The following RAB8B variants were observed in gnomAD, a reference collection of about 807,000 sequenced individuals.
RAB8B encodes the protein RAB8B, member RAS oncogene family, also known as ras-related protein Rab-8B.
Under a neutral mutation model 32.0 loss-of-function variants are expected in RAB8B, and 11 were observed. The ratio of observed to expected loss-of-function variants is 0.34; its 90% confidence interval spans 0.22 to 0.57. RAB8B has a LOEUF of 0.57. Ranked by LOEUF, RAB8B falls within the 20% of genes least tolerant of loss-of-function variation. The pLI, the probability that RAB8B is intolerant of heterozygous loss-of-function variation, is 0.86. For synonymous variants in RAB8B, 103 were observed against 89.6 expected (o/e 1.15, Z -0.85); for missense variants, 190 against 258.5 (o/e 0.73, Z 1.82).
chr15:63,262,635 AT>A, intron 6 of RAB8B, 56 bp from the exon 7 acceptor site: 1 of 500,832 alleles, frequency 2.0e-6, no homozygotes, highest in Non-Finnish European at 3.0e-6. Context: ...GTATATATAT[AT>A]ATATACATAT....
In RAB8B at chr15:63,230,409, C is replaced by A. The variant is rs146224153; in HGVS notation, c.125-14347C>A. Among the ~76,000 whole-genome samples, 848 of 152,246 alleles carry A rather than the reference C, an allele frequency of 5.6e-3. 7 individuals are homozygous for A. Among genetic ancestry groups the A allele is most frequent in the African/African-American group, 0.018 (757 of 41,550 alleles). ...CTCCGCCTCCCGGGTTCGAGGAATT[C>A]TCCTGCCTCAGCCTCCCTGGTAGCT... On this transcript the variant is annotated intron_variant, in intron 1 of 7. Coordinates refer to ENST00000321437, the MANE Select transcript of RAB8B (RefSeq NM_016530.3).
intron 1 of RAB8B, among the ~76,000 whole-genome samples, chr15:63,220,961 A>C (rs2141121736): frequency 6.6e-6 from 1 of 152,364 alleles, no homozygotes; most frequent in African/African-American, 2.4e-5. Context: ...TGAAACAACA[A>C]AAATAATTAA....
rs2038230715 is a variant in RAB8B at position 63,264,614 on chromosome 15, T to C, written c.*995T>C. 1 of 152,164 alleles carries C rather than the reference T, an allele frequency of 6.6e-6. No homozygotes were observed. The highest frequency in any genetic ancestry group is 2.1e-4 in the South Asian group (1 of 4,824). 9.4% of individuals were successfully genotyped at this position (152,164 alleles called of 1,614,324 possible). A position where few individuals can be genotyped will look rare whatever the true frequency, so the allele number is the denominator to read the frequency against. ...ATAATCCCTGTCTACAAAAGTTAGG[T>C]TTAGATTTTAGTTTGCGGAAACCTT... On this transcript the variant is annotated 3_prime_UTR_variant, in exon 8 of 8. Transcript: ENST00000321437.
intron 1 of RAB8B, among the ~76,000 whole-genome samples, chr15:63,227,599 C>T (rs757805031): frequency 1.5e-4 from 23 of 152,326 alleles, no homozygotes; most frequent in Middle Eastern, 6.8e-3. Flanking sequence ...TTTTCCTCAA[C>T]CGTTCATGTA....
chr15:63,236,355 G>A (rs1483082986), intron 1 of RAB8B, among the ~76,000 whole-genome samples: 1 of 152,078 alleles, frequency 6.6e-6, no homozygotes, highest in Non-Finnish European at 1.5e-5. Context: ...AATAAGGAAA[G>A]TGGGACTACT....
intron 1 of RAB8B, among the ~76,000 whole-genome samples, chr15:63,217,815 A>G (rs918746847): frequency 6.6e-6 from 1 of 152,228 alleles, no homozygotes; most frequent in Non-Finnish European, 1.5e-5. Flanking sequence ...CTTAGTATCT[A>G]TATCAAATAT....
intron 2 of RAB8B, among the ~76,000 whole-genome samples, chr15:63,247,026 T>A (rs2038077845): frequency 6.6e-6 from 1 of 152,236 alleles, no homozygotes; most frequent in Non-Finnish European, 1.5e-5. Flanking sequence ...TACCATAGAC[T>A]GGGTGTCTTA....
rs188039378 is a variant in RAB8B, at chr15:63,218,125, A to T, written c.125-26631A>T. ...CTTTTTTTTTTATGCTTCTACCCTT[A>T]TGTTGGCAAAAGAAATGCACCAATG... On this transcript the variant is annotated intron_variant, in intron 1 of 7. Coordinates refer to ENST00000321437, the MANE Select transcript of RAB8B (RefSeq NM_016530.3). Among the ~76,000 whole-genome samples the T allele has an allele frequency of 5.7e-3, 855 of 150,884 alleles. 7 individuals carry two copies. Among genetic ancestry groups the T allele is most frequent in the African/African-American group, 0.019 (761 of 41,000 alleles).
At chr15:63,224,460 G>A (rs2037872557) in intron 1 of RAB8B, among the ~76,000 whole-genome samples, 1 of 152,116 alleles carries the variant, frequency 6.6e-6, no homozygotes, top group Admixed American at 6.5e-5. Flanking sequence ...ACATGGGATG[G>A]ATTTCAATCA....
intron 3 of RAB8B, among the ~76,000 whole-genome samples, chr15:63,250,566 G>A (rs573671406): frequency 1.3e-5 from 2 of 152,202 alleles, no homozygotes; most frequent in African/African-American, 4.8e-5. Context: ...ATCCTAAGAT[G>A]CTTCATCTAT....
At chr15:63,249,769 A>G (rs1218147215) in intron 3 of RAB8B, 64 bp downstream of exon 3, 1 of 1,491,646 alleles carries the variant, frequency 6.7e-7, no homozygotes, top group Non-Finnish European at 9.3e-7. Context: ...TTTGTTTGCC[A>G]AGATTATAGG....
chr15:63,218,881 A>C (rs947905548), intron 1 of RAB8B, among the ~76,000 whole-genome samples: 2 of 152,074 alleles, frequency 1.3e-5, no homozygotes, highest in Admixed American at 6.6e-5. Context: ...AGAAAAAAAA[A>C]CACTTTAGCC....
intron 1 of RAB8B, among the ~76,000 whole-genome samples, chr15:63,216,454 C>A (rs181646690): frequency 6.6e-6 from 1 of 151,738 alleles, no homozygotes; most frequent in Admixed American, 6.6e-5. Flanking sequence ...GTCTTGAACT[C>A]GTGAGCTCGA....
intron 1 of RAB8B, among the ~76,000 whole-genome samples, chr15:63,195,948 A>G (rs2037596461): frequency 6.6e-6 from 1 of 152,218 alleles, no homozygotes; most frequent in Non-Finnish European, 1.5e-5. Context: ...GCAAACTCAC[A>G]TGGTTCTGGT....
chr15:63,222,949 C>A, intron 1 of RAB8B: 1 of 397,098 alleles, frequency 2.5e-6, no homozygotes, highest in South Asian at 1.8e-5. Flanking sequence ...TTTGGTGTAG[C>A]TTAGGTGTAT....
chr15:63,224,375 T>G (rs2037871878), intron 1 of RAB8B, among the ~76,000 whole-genome samples: 1 of 152,198 alleles, frequency 6.6e-6, no homozygotes, highest in Non-Finnish European at 1.5e-5. Context: ...TTTTAGTTCT[T>G]CCTAGTCTTA....
At chr15:63,256,419 C>A (rs2038159119) in intron 4 of RAB8B, 86 bp from the exon 5 acceptor site, 3 of 912,802 alleles carry the variant, frequency 3.3e-6, no homozygotes, top group South Asian at 3.3e-5. Context: ...TTATTAAATT[C>A]ATGTGTTTCT....
rs567805428 is a variant in RAB8B at position 63,255,595 on chromosome 15, A to T, written c.324+11A>T. 1 of 1,575,308 alleles carries T rather than the reference A, an allele frequency of 6.3e-7. No homozygotes were observed. Among genetic ancestry groups the T allele is most frequent in the African/African-American group, 1.3e-5 (1 of 74,154 alleles). On this transcript the variant is annotated intron_variant, in intron 4 of 7. Transcript: ENST00000321437. ...AGAAACATTGAAGAGGTATGTGTGGAAAGAGAATGGTGACATTGGAGAAGA... is the reference window on the plus strand; with the variant it reads ...AGAAACATTGAAGAGGTATGTGTGGTAAGAGAATGGTGACATTGGAGAAGA...
chr15:63,210,236 C>T (rs1170941645), intron 1 of RAB8B, among the ~76,000 whole-genome samples: 1 of 152,184 alleles, frequency 6.6e-6, no homozygotes, highest in Non-Finnish European at 1.5e-5. Context: ...TAAGAGGCTA[C>T]AGTTTCTTTG....
Sources: allele counts gnomAD v4.1 joint callset (sites outside exome capture counted in the v4.1 genomes callset), GRCh38; gene constraint gnomAD v4.1.1; transcripts MANE v1.5; gene names NCBI Gene and HGNC (gene_info 2026-07-23, HGNC 2026-07-21).